The following POLR3G variants were observed in gnomAD, a reference collection of about 807,000 sequenced individuals.
The protein encoded by POLR3G is RNA polymerase III subunit G, also known as DNA-directed RNA polymerase III subunit RPC7.
Under a neutral mutation model 30.1 loss-of-function variants are expected in POLR3G, and 28 were observed. The observed-to-expected ratio is 0.93, with a 90% CI of 0.69 to 1.27. POLR3G has a LOEUF of 1.27. Among genes scored for constraint, POLR3G ranks in the 50% most tolerant of loss-of-function variants. POLR3G has a pLI of 0.00. For synonymous variants in POLR3G, 79 were observed against 82.5 expected, an observed-to-expected ratio of 0.96 and a Z score of 0.23; for missense variants, 254 against 264.6, an observed-to-expected ratio of 0.96 and a Z score of 0.28.
intron 6 of POLR3G, among the ~76,000 whole-genome samples, chr5:90,506,153 C>G (rs576322438): frequency 6.6e-6 from 1 of 152,178 alleles, no homozygotes; most frequent in South Asian, 2.1e-4. Context: ...CACTTGAACC[C>G]AGGAGAAGGA....
chr5:90,506,844 C>T (rs191880841), intron 7 of POLR3G, among the ~76,000 whole-genome samples, 170 bp downstream of exon 7: 79 of 152,024 alleles, frequency 5.2e-4, no homozygotes, highest in African/African-American at 1.7e-3. Context: ...TCCTTGCTAT[C>T]GAGAGAACTA....
chr5:90,474,801 A>G (rs573371320), upstream of POLR3G: 1 of 177,944 alleles, frequency 5.6e-6, no homozygotes, highest in Non-Finnish European at 1.2e-5. Flanking sequence ...AAGGGCAAAA[A>G]AACCTCTTTG....
rs1385001534 is a variant in POLR3G, at chr5:90,506,491, G to C, written c.439-37G>C. 1.9e-6 allele frequency: 3 copies of C among 1,600,750 alleles called. No homozygotes were observed. In the African/African-American group the frequency reaches 4.0e-5, roughly 22 times the overall value. ...TAAGCAGGGAAGTCAGCAGTCTAGT[G>C]GTTTCCATACAAATTAATGAAACTC... On this transcript the variant is annotated intron_variant, in intron 6 of 7. Coordinates refer to ENST00000651687, the MANE Select transcript of POLR3G (RefSeq NM_006467.3).
chr5:90,500,691 T>C (rs943355747), intron 5 of POLR3G, among the ~76,000 whole-genome samples: 1 of 152,162 alleles, frequency 6.6e-6, no homozygotes, highest in Admixed American at 6.5e-5. Flanking sequence ...AGCTCTGAGC[T>C]CAGTAATTCC....
At chr5:90,482,542 G>A (rs56263084) in intron 1 of POLR3G, among the ~76,000 whole-genome samples, 3,785 of 152,288 alleles carry the variant, frequency 0.025, 66 homozygotes, top group Non-Finnish European at 0.038. Flanking sequence ...GCCATTGTCG[G>A]ACTAAGAAAT....
In POLR3G at chr5:90,474,942, T is replaced by A. The variant is rs1580186580; in HGVS notation, c.-122T>A. 1 of 152,512 alleles carries A rather than the reference T, an allele frequency of 6.6e-6. No individual in the cohort carries two copies. The highest frequency in any genetic ancestry group is 1.5e-5 in the Non-Finnish European group (1 of 68,278). 9.4% of individuals were successfully genotyped at this position (152,512 alleles called of 1,614,324 possible). A position where few individuals can be genotyped will look rare whatever the true frequency, so the allele number is the denominator to read the frequency against. ...AACGGGCGGCAGTCAAGCGCCGGCG[T>A]TCTCTGCCGTCACCCTTTCCTTGCC... On this transcript the variant is annotated 5_prime_UTR_variant, in exon 1 of 8. Coordinates refer to ENST00000651687, the MANE Select transcript of POLR3G (RefSeq NM_006467.3).
chr5:90,491,609 A>C (rs960552117), intron 3 of POLR3G, among the ~76,000 whole-genome samples: 8 of 152,050 alleles, frequency 5.3e-5, no homozygotes, highest in Non-Finnish European at 1.2e-4. Context: ...AGGTTTTCTA[A>C]AGAAGAAACA....
At chr5:90,475,872 C>T (rs190860933) in intron 1 of POLR3G, among the ~76,000 whole-genome samples, 15 of 152,174 alleles carry the variant, frequency 9.9e-5, no homozygotes, top group Admixed American at 9.8e-4. Context: ...CCACTGCACC[C>T]GGCTAATTTT....
In POLR3G at chr5:90,513,235, AAAG is replaced by A. The variant is rs1752819498; in HGVS notation, c.*1099_*1101del. On this transcript the variant is annotated 3_prime_UTR_variant, in exon 8 of 8. Coordinates refer to ENST00000651687, the MANE Select transcript of POLR3G (RefSeq NM_006467.3). ...AATGATTTATCAATGTTATCTACCA[AAAG>A]AAATAATTTTATTTTTCCCCTTTGG... 1.3e-5 allele frequency: 2 copies of A among 152,626 alleles called. No individual in the cohort carries two copies. The highest frequency in any genetic ancestry group is 4.1e-4 in the South Asian group (2 of 4,832). The allele number at this position is 152,626 out of a possible 1,614,324, so 9.5% of individuals were successfully genotyped here.
In POLR3G at chr5:90,491,773, C is replaced by T. The variant is rs112142224; in HGVS notation, c.247+3644C>T. 7.7e-3 allele frequency among the ~76,000 whole-genome samples: 1,172 copies of T among 151,962 alleles called. 6 individuals are homozygous for T. Among genetic ancestry groups the T allele is most frequent in the Non-Finnish European group, 0.01 (680 of 67,970 alleles). On this transcript the variant is annotated intron_variant, in intron 3 of 7. Transcript: ENST00000651687. ...GCTACTTTATCATCATACATATTATCTCATCACTATTCATCAGACATTCCC... is the reference window on the plus strand; with the variant it reads ...GCTACTTTATCATCATACATATTATTTCATCACTATTCATCAGACATTCCC...
At position 90,478,569 on chromosome 5, in the gene POLR3G, C is replaced by CTTTTTTTTT. The variant is rs773881344; in HGVS notation, c.-44+3558_-44+3566dup. ...AATGGGAGGTTTAATCTGCGTGGTTCTTTTTTTTTTTTTTTTTGAGAGGGA... is the reference window on the plus strand; with the variant it reads ...AATGGGAGGTTTAATCTGCGTGGTTCTTTTTTTTTTTTTTTTTTTTTTTTTTGAGAGGGA... On this transcript the variant is annotated intron_variant, in intron 1 of 7. Transcript: ENST00000651687. 2.4e-4 allele frequency among the ~76,000 whole-genome samples: 19 copies of CTTTTTTTTT among 79,334 alleles called. 4 individuals carry two copies. The highest frequency in any genetic ancestry group is 4.0e-4 in the African/African-American group (8 of 19,796). 52.0% of individuals were successfully genotyped at this position (79,334 alleles called of 152,430 possible). A position where few individuals can be genotyped will look rare whatever the true frequency, so the allele number is the denominator to read the frequency against.
chr5:90,509,451 G>C (rs915802614), intron 7 of POLR3G, among the ~76,000 whole-genome samples: 1 of 152,118 alleles, frequency 6.6e-6, no homozygotes, highest in African/African-American at 2.4e-5. Context: ...CTTCTCTCAG[G>C]GAAATTACTA....
chr5:90,487,714 A>G (rs990469520), intron 2 of POLR3G, among the ~76,000 whole-genome samples: 7 of 152,088 alleles, frequency 4.6e-5, no homozygotes, highest in Admixed American at 3.3e-4. Flanking sequence ...TTTAAAGTAG[A>G]TAATCACATA....
chr5:90,493,623 A>G (rs958587377), intron 3 of POLR3G, among the ~76,000 whole-genome samples: 1 of 149,024 alleles, frequency 6.7e-6, no homozygotes, highest in African/African-American at 2.5e-5. Context: ...AAAGTGTACA[A>G]TTCAGTGACT....
intron 1 of POLR3G, among the ~76,000 whole-genome samples, chr5:90,482,509 C>A (rs1021953262): frequency 6.6e-6 from 1 of 152,252 alleles, no homozygotes; most frequent in Non-Finnish European, 1.5e-5. Flanking sequence ...AAACAAACCT[C>A]CTCCTTGCCT....
intron 7 of POLR3G, among the ~76,000 whole-genome samples, chr5:90,510,714 G>A (rs1333417615): frequency 1.3e-5 from 2 of 152,100 alleles, no homozygotes; most frequent in African/African-American, 4.8e-5. Flanking sequence ...CAACTTTCCA[G>A]AGATGGGAAT....
At chr5:90,495,325 T>G (rs1051367241) in intron 3 of POLR3G, among the ~76,000 whole-genome samples, 1 of 152,198 alleles carries the variant, frequency 6.6e-6, no homozygotes, top group South Asian at 2.1e-4. Flanking sequence ...GGAAAAGAGT[T>G]TGTGCCCTCC....
chr5:90,481,819 A>T (rs1053974471), intron 1 of POLR3G, among the ~76,000 whole-genome samples: 1 of 152,212 alleles, frequency 6.6e-6, no homozygotes, highest in African/African-American at 2.4e-5. Flanking sequence ...GTATAGAGTT[A>T]TTGTTAAAAT....
intron 6 of POLR3G, among the ~76,000 whole-genome samples, chr5:90,503,413 TATGGCGGAATG>T (rs1353659122): frequency 6.6e-6 from 1 of 152,222 alleles, no homozygotes; most frequent in Non-Finnish European, 1.5e-5. Context: ...CAGGTTTAAC[TATGGCGGAATG>T]ATGGGAATGC....
Sources: gnomAD v4.1 joint callset for allele counts (sites outside exome capture counted in the v4.1 genomes callset) on GRCh38, gnomAD v4.1.1 for gene constraint, MANE v1.5 for transcripts, NCBI Gene and HGNC (gene_info 2026-07-23, HGNC 2026-07-21) for gene names.